Variants in ANKRD24 observed in about 807,000 individuals in gnomAD.
ANKRD24 encodes ankyrin repeat domain 24.
In ANKRD24, 109 loss-of-function variants were observed where a neutral mutation model predicts 127.8. That is an observed-to-expected ratio of 0.85 (90% CI 0.73 to 1.00). The LOEUF (loss-of-function observed/expected upper bound fraction) is 1.00, where lower values mean the gene tolerates loss of function less well. Ranked by LOEUF, ANKRD24 falls within the 50% of genes least tolerant of loss-of-function variation. ANKRD24 has a pLI of 0.00. For missense variants in ANKRD24, 1,648 were observed against 1,570.2 expected (o/e 1.05, Z -0.84); for synonymous variants, 743 against 671.1 (o/e 1.11, Z -1.66).
chr19:4,221,360 G>T (rs1970431400), intron 19 of ANKRD24, among the ~76,000 whole-genome samples: 1 of 151,596 alleles, frequency 6.6e-6, no homozygotes, highest in Non-Finnish European at 1.5e-5. Flanking sequence ...GAGCCACCGT[G>T]CCTGGCCTGT....
Position 4,189,387 on chromosome 19 carries a change from A to T in ANKRD24, c.36+2926A>T, listed in dbSNP as rs141112678. Among the ~76,000 whole-genome samples, 763 of 151,042 alleles carry T rather than the reference A, an allele frequency of 5.1e-3. 6 individuals are homozygous for T. Among genetic ancestry groups the T allele is most frequent in the African/African-American group, 0.017 (681 of 41,180 alleles). On this transcript the variant is annotated intron_variant, in intron 2 of 21. Coordinates refer to ENST00000318934, the MANE Select transcript of ANKRD24 (RefSeq NM_001393985.1). ...TGCCGCAGCCTCCCAAGTAGGTGGGACTACAGGCACGCACTACCACGCCCA... is the reference window on the plus strand; with the variant it reads ...TGCCGCAGCCTCCCAAGTAGGTGGGTCTACAGGCACGCACTACCACGCCCA...
chr19:4,199,460 C>A lies in ANKRD24; in HGVS notation c.37-223C>A. 1 of 977,020 alleles carries A rather than the reference C, an allele frequency of 1.0e-6. No homozygotes were observed. The highest frequency in any genetic ancestry group is 1.2e-6 in the Non-Finnish European group (1 of 822,240). 60.5% of individuals were successfully genotyped at this position (977,020 alleles called of 1,614,324 possible). On this transcript the variant is annotated intron_variant, in intron 2 of 21. Coordinates refer to ENST00000318934, the MANE Select transcript of ANKRD24 (RefSeq NM_001393985.1). The surrounding 1 kb of genome is among the most constrained non-coding windows in gnomAD (Gnocchi z 5.2). ...CTCCTAGGCTCAAGCGATCCTCCCA[C>A]CTTGGCCTCCCCAGATGCTGGGACT...
chr19:4,206,982 T>C (rs1339470354), intron 7 of ANKRD24: 3 of 534,068 alleles, frequency 5.6e-6, no homozygotes, highest in Middle Eastern at 5.1e-4. Context: ...CATGGTTCAC[T>C]GCAGCCTTGA....
chr19:4,222,552 C>T, intron 19 of ANKRD24, 118 bp from the exon 20 acceptor site: 1 of 1,272,882 alleles, frequency 7.9e-7, no homozygotes, highest in East Asian at 2.7e-5. Flanking sequence ...TTGCTAACCC[C>T]AGGGACGGGA....
At chr19:4,220,838 A>G (rs1467976667) in intron 19 of ANKRD24, among the ~76,000 whole-genome samples, 1 of 151,590 alleles carries the variant, frequency 6.6e-6, no homozygotes, top group Admixed American at 6.6e-5. Flanking sequence ...TACAGGCGTG[A>G]GTCACCGCGA....
At chr19:4,194,366 T>TG (rs1568316252) in intron 2 of ANKRD24, among the ~76,000 whole-genome samples, 1 of 152,188 alleles carries the variant, frequency 6.6e-6, no homozygotes, top group Non-Finnish European at 1.5e-5. Flanking sequence ...TTGGCCAGGC[T>TG]GGTCTTGAAC....
rs1970097755 is a variant in ANKRD24, at chr19:4,216,735, C to T, written c.1575C>T (p.Ala525=). 6.3e-7 allele frequency: 1 copy of T among 1,578,550 alleles called. No individual in the cohort carries two copies. The highest frequency in any genetic ancestry group is 2.3e-5 in the East Asian group (1 of 42,770). Residue 525 remains alanine, a synonymous_variant, in exon 18 of 22, where the codon GCC becomes GCT. Coordinates refer to ENST00000318934, the MANE Select transcript of ANKRD24 (RefSeq NM_001393985.1). ...TREVPREEGA[A]CGESEVAGAT... is the part of the protein sequence containing the mutation. ...AGGTCCCCAGAGAAGAGGGGGCAGC[C>T]TGTGGGGAGAGTGAGGTTGCTGGAG...
chr19:4,192,326 C>T (rs1344977895), intron 2 of ANKRD24, among the ~76,000 whole-genome samples: 1 of 151,684 alleles, frequency 6.6e-6, no homozygotes, highest in African/African-American at 2.4e-5. Context: ...GGAAAGTCCT[C>T]TTTCTCTTTC....
intron 2 of ANKRD24, among the ~76,000 whole-genome samples, chr19:4,193,792 A>G (rs554853140): frequency 3.4e-4 from 45 of 131,010 alleles, no homozygotes; most frequent in African/African-American, 1.3e-3. Context: ...AGCAGAGATC[A>G]TGCCACTGTA....
In ANKRD24 at chr19:4,217,323, T is replaced by A; in HGVS notation, c.2163T>A (p.Leu721=). ...GTGCCGCAGAGGCCTCGGAAAAGCT[T>A]CAAGTAGAGCTGGAGACCAGGATCC... ...HPGAAEASEK[L]QVELETRIRG... Residue 721 remains leucine, a synonymous_variant, in exon 18 of 22, where the codon CTT becomes CTA. Coordinates refer to ENST00000318934, the MANE Select transcript of ANKRD24 (RefSeq NM_001393985.1). The A allele has an allele frequency of 6.4e-7, 1 of 1,551,860 alleles. No homozygotes were observed. Among genetic ancestry groups the A allele is most frequent in the Non-Finnish European group, 8.7e-7 (1 of 1,147,252 alleles).
chr19:4,220,676 T>G (rs1043397536), intron 19 of ANKRD24, among the ~76,000 whole-genome samples: 1 of 151,894 alleles, frequency 6.6e-6, no homozygotes, highest in African/African-American at 2.4e-5. Flanking sequence ...TGCCTCAGCC[T>G]CCCGAGTAGC....
Position 4,200,082 on chromosome 19 carries a change from G to A in ANKRD24, c.255-1G>A. 5 of 1,586,992 alleles carry A rather than the reference G, an allele frequency of 3.2e-6. No individual in the cohort carries two copies. Among genetic ancestry groups the A allele is most frequent in the Non-Finnish European group, 4.3e-6 (5 of 1,166,402 alleles). Reference sequence around the variant, plus strand: ...GCTGAACCCTTGTCTCTCACCTCCAGGTTCCACCTGGCGGCCATGCGGGGT... The same window carrying A: ...GCTGAACCCTTGTCTCTCACCTCCAAGTTCCACCTGGCGGCCATGCGGGGT... On this transcript the variant is annotated splice_acceptor_variant, in intron 4 of 21. Coordinates refer to ENST00000318934, the MANE Select transcript of ANKRD24 (RefSeq NM_001393985.1). LOFTEE classifies it high-confidence loss of function.
chr19:4,202,908 A>C lies in ANKRD24; in HGVS notation c.448A>C (p.Thr150Pro). The C allele has an allele frequency of 6.3e-7, 1 of 1,582,682 alleles. No homozygotes were observed. ...VVDVVDSSGW[T>P]ALHHAAAGGC... ...GGACGTCGTGGACAGCAGCGGGTGG[A>C]CTGCCCTACACCATGCAGGTGGGTG... The change falls in exon 7 of 22, where the codon ACT becomes CCT. Residue 150 changes from threonine to proline, a missense_variant. By Grantham distance (38) the Thr-to-Pro change is conservative. Transcript: ENST00000318934.
chr19:4,210,176 GC>G, intron 12 of ANKRD24, 38 bp downstream of exon 12: 1 of 1,577,904 alleles, frequency 6.3e-7, no homozygotes, highest in Non-Finnish European at 8.6e-7. Context: ...GGCATGGGGA[GC>G]CCCCAGGCAC....
chr19:4,182,773 T>TG lies in ANKRD24; in HGVS notation c.-37+34dup, dbSNP rs1032562455. The TG allele has an allele frequency of 1.6e-5, 16 of 985,114 alleles. No individual in the cohort carries two copies. The African/African-American group carries it at 2.8e-4, about 17-fold the overall frequency. 61.0% of individuals were successfully genotyped at this position (985,114 alleles called of 1,614,324 possible). On this transcript the variant is annotated intron_variant, in intron 1 of 21. Transcript: ENST00000318934. ...CGGGGCTTGGGAAGGGGCTCCCCGA[T>TG]GACCCGGGCGGGAAATTGGGGCGGC...
At chr19:4,206,144 AAAATAAATAAATAAAT>A (rs145877935) in intron 7 of ANKRD24, among the ~76,000 whole-genome samples, 95 of 142,016 alleles carry the variant, frequency 6.7e-4, no homozygotes, top group Non-Finnish European at 1.1e-3. Flanking sequence ...CTCCGTCTCA[AAAATAAATAAATAAAT>A]AAATAAATAA....
intron 15 of ANKRD24, among the ~76,000 whole-genome samples, chr19:4,215,412 G>A (rs888527914): frequency 2.0e-5 from 3 of 151,402 alleles, no homozygotes; most frequent in South Asian, 4.2e-4. Context: ...TTGAATCTGG[G>A]AGGCGAAGGT....
chr19:4,224,740 C>G lies in ANKRD24; in HGVS notation c.*235C>G, dbSNP rs1248416807. ...CGGGCCGTGACTGCCCCTCCCCCACCACCGGAGACTGTGATTCCCTGTGTC... is the reference window on the plus strand; with the variant it reads ...CGGGCCGTGACTGCCCCTCCCCCACGACCGGAGACTGTGATTCCCTGTGTC... On this transcript the variant is annotated 3_prime_UTR_variant, in exon 22 of 22. Transcript: ENST00000318934. The G allele has an allele frequency of 8.8e-6, 5 of 565,054 alleles. No homozygotes were observed. The highest frequency in any genetic ancestry group is 8.5e-5 in the South Asian group (4 of 47,098). 35.0% of individuals were successfully genotyped at this position (565,054 alleles called of 1,614,324 possible). A position where few individuals can be genotyped will look rare whatever the true frequency, so the allele number is the denominator to read the frequency against.
rs1433193895 is a variant in ANKRD24 at position 4,216,927 on chromosome 19, T to TGAGGCCACAGGAGCC, written c.1768_1782dup (p.Glu590_Ala594dup). ...CCACGGGAGCCGAGGCCACGGGAGC[T>TGAGGCCACAGGAGCC]GAGGCCACAGGAGCCAAGGTCACAG... On this transcript the variant is annotated inframe_insertion, in exon 18 of 22. Transcript: ENST00000318934. 10 of 1,609,360 alleles carry TGAGGCCACAGGAGCC rather than the reference T, an allele frequency of 6.2e-6. No homozygotes were observed. The highest frequency in any genetic ancestry group is 8.5e-6 in the Non-Finnish European group (10 of 1,177,910).
Sources: allele counts gnomAD v4.1 joint callset (sites outside exome capture counted in the v4.1 genomes callset), GRCh38; gene constraint gnomAD v4.1.1; non-coding constraint Gnocchi (gnomAD v3.1); transcripts MANE v1.5; gene names NCBI Gene and HGNC (gene_info 2026-07-23, HGNC 2026-07-21).